C5orf34: variants seen among roughly 807,000 people sequenced by gnomAD.
C5orf34 encodes uncharacterized protein C5orf34.
Under a neutral mutation model 78.4 loss-of-function variants are expected in C5orf34, and 73 were observed. That is an observed-to-expected ratio of 0.93 (90% CI 0.77 to 1.13). The LOEUF (loss-of-function observed/expected upper bound fraction) is 1.13. Ranked by LOEUF, C5orf34 falls within the 50% of genes most tolerant of loss-of-function variation. The pLI is 0.00. For synonymous variants in C5orf34, 251 were observed against 246.6 expected (o/e 1.02, Z -0.17); for missense variants, 730 against 732.7 (o/e 1.00, Z 0.04).
rs1489108808 is a variant in C5orf34 at position 43,509,148 on chromosome 5, G to C, written c.192C>G (p.Tyr64Ter). 6 of 1,611,678 alleles carry C rather than the reference G, an allele frequency of 3.7e-6. No homozygotes were observed. The East Asian group carries it at 1.3e-4, about 36-fold the overall frequency. The change falls in exon 2 of 13, where the codon TAC (tyrosine) becomes TAG (stop). Residue 64 changes from tyrosine (Y) to a stop codon, truncating the protein, a stop_gained. Transcript: ENST00000306862. LOFTEE classifies it high-confidence loss of function. ...RQRTHFVISTYREQLQRALDF... is the reference protein window; with the variant it reads ...RQRTHFVIST ...TTTACGTGATATCTTTACTTACTCT[G>C]TAAGTGCTAATGACAAAATGTGTCC...
In C5orf34 at chr5:43,495,167, G is replaced by A. The variant is rs890489940; in HGVS notation, c.1153-566C>T. The A allele has an allele frequency of 1.9e-6, 3 of 1,609,798 alleles. No homozygotes were observed. In the African/African-American group the frequency reaches 4.0e-5, roughly 22 times the overall value. The stretch of plus-strand genomic sequence containing the variant: ...TGCTTTGATGACACCCACCGCAACT[G>A]TCTGTCTCATATCACGAACAGCAAA... On this transcript the variant is annotated intron_variant, in intron 6 of 12. Coordinates refer to ENST00000306862, the MANE Select transcript of C5orf34 (RefSeq NM_198566.4).
In C5orf34 at chr5:43,490,723, C is replaced by T. The variant is rs1561206399; in HGVS notation, c.1587G>A (p.Val529=). 3 of 1,562,306 alleles carry T rather than the reference C, an allele frequency of 1.9e-6. No homozygotes were observed. Among genetic ancestry groups the T allele is most frequent in the South Asian group, 1.1e-5 (1 of 89,382 alleles). The change falls in exon 11 of 13, where the codon GTG becomes GTA. Residue 529 remains valine, a synonymous_variant. Coordinates refer to ENST00000306862, the MANE Select transcript of C5orf34 (RefSeq NM_198566.4). ...IEHPEPYERY[V]TTVTSWCRRL... ...TCCTGCACCATGATGTTACTGTTGTCACATATCTAAAGTGAATACATTAAA... is the reference window on the plus strand; with the variant it reads ...TCCTGCACCATGATGTTACTGTTGTTACATATCTAAAGTGAATACATTAAA...
chr5:43,493,224 A>AT (rs1287968025), intron 8 of C5orf34, among the ~76,000 whole-genome samples: 1 of 152,058 alleles, frequency 6.6e-6, no homozygotes, highest in Non-Finnish European at 1.5e-5. Context: ...TAAGGAATTT[A>AT]TTTTTACGGT....
chr5:43,506,991 G>C (rs1056476039), intron 3 of C5orf34, among the ~76,000 whole-genome samples: 2 of 152,106 alleles, frequency 1.3e-5, no homozygotes, highest in Non-Finnish European at 2.9e-5. Flanking sequence ...ACTAGTACTA[G>C]AATTACTGAA....
At chr5:43,507,833 C>T (rs1332144041) in intron 3 of C5orf34, among the ~76,000 whole-genome samples, 2 of 152,172 alleles carry the variant, frequency 1.3e-5, no homozygotes, top group South Asian at 4.1e-4. Flanking sequence ...AATCCCAGCA[C>T]TTTGGGAGGC....
intron 11 of C5orf34, 178 bp from the exon 12 acceptor site, chr5:43,488,127 C>T (rs1295253005): frequency 1.7e-6 from 1 of 587,822 alleles, no homozygotes; most frequent in African/African-American, 1.9e-5. Context: ...CTGATACTTA[C>T]TGAGTGCCTT....
chr5:43,505,533 C>G (rs976621145), intron 4 of C5orf34: 17 of 500,974 alleles, frequency 3.4e-5, no homozygotes, highest in Non-Finnish European at 5.2e-5. Flanking sequence ...AGCACAGTAT[C>G]TAGTGTAGAG....
At chr5:43,502,324 G>A in intron 6 of C5orf34, 48 bp downstream of exon 6, 5 of 1,595,890 alleles carry the variant, frequency 3.1e-6, no homozygotes, top group Non-Finnish European at 4.3e-6. Context: ...TATTTAGAAA[G>A]AGCTATACAG....
intron 1 of C5orf34, among the ~76,000 whole-genome samples, chr5:43,513,122 A>C (rs1181390787): frequency 6.6e-6 from 1 of 152,126 alleles, no homozygotes; most frequent in Admixed American, 6.5e-5. Context: ...TAATGTATGT[A>C]ATCAGCTGTA....
At chr5:43,490,502 T>C (rs1403477034) in intron 11 of C5orf34, 129 bp downstream of exon 11, 4 of 595,280 alleles carry the variant, frequency 6.7e-6, no homozygotes, top group Non-Finnish European at 1.2e-5. Context: ...AAAAATACTT[T>C]AGGAGTTAAA....
At chr5:43,511,895 A>C (rs1746276379) in intron 1 of C5orf34, among the ~76,000 whole-genome samples, 1 of 152,180 alleles carries the variant, frequency 6.6e-6, no homozygotes, top group Non-Finnish European at 1.5e-5. Flanking sequence ...ACACTGCGGA[A>C]GGCTGCAGGG....
chr5:43,507,114 C>T (rs1746015124), intron 3 of C5orf34, among the ~76,000 whole-genome samples: 1 of 152,082 alleles, frequency 6.6e-6, no homozygotes, highest in African/African-American at 2.4e-5. Flanking sequence ...AAATAAATTT[C>T]AGGAGGCTTA....
chr5:43,493,515 T>C (rs1745369577), intron 8 of C5orf34, 28 bp downstream of exon 8: 1 of 1,291,656 alleles, frequency 7.7e-7, no homozygotes, highest in Non-Finnish European at 1.1e-6. Context: ...TTTAAAAATA[T>C]CTTGCTTTTA....
chr5:43,495,713 G>A (rs1460324913), intron 6 of C5orf34: 3 of 1,579,082 alleles, frequency 1.9e-6, no homozygotes, highest in African/African-American at 1.3e-5. Context: ...ATCCTGGAGA[G>A]GCAGGCGCAA....
At chr5:43,495,917 A>G (rs1745498103) in intron 6 of C5orf34, 3 of 1,592,360 alleles carry the variant, frequency 1.9e-6, no homozygotes, top group Admixed American at 3.3e-5. Context: ...GTTGTAACCA[A>G]TTTTCTTAAT....
intron 6 of C5orf34, among the ~76,000 whole-genome samples, chr5:43,499,959 A>G (rs1745690751): frequency 6.6e-6 from 1 of 152,226 alleles, no homozygotes; most frequent in Admixed American, 6.5e-5. Context: ...TTCTTTGAAC[A>G]CGTGCAAATA....
chr5:43,505,960 C>A lies in C5orf34; in HGVS notation c.720G>T (p.Gln240His). 2.5e-6 allele frequency: 4 copies of A among 1,614,206 alleles called. No individual in the cohort carries two copies. Among genetic ancestry groups the A allele is most frequent in the South Asian group, 1.1e-5 (1 of 91,082 alleles). Reference protein sequence around the residue: ...KHTCVYTWVKQCWSVAACPEE... With the variant: ...KHTCVYTWVKHCWSVAACPEE... ...CTGGACAGGCAGCCACAGACCAGCACTGCTTGACCCATGTGTATACACATG... is the reference window on the plus strand; with the variant it reads ...CTGGACAGGCAGCCACAGACCAGCAATGCTTGACCCATGTGTATACACATG... The change falls in exon 4 of 13, where the codon CAG (glutamine) becomes CAT (histidine). Residue 240 changes from glutamine to histidine, a missense_variant. Coordinates refer to ENST00000306862, the MANE Select transcript of C5orf34 (RefSeq NM_198566.4).
chr5:43,502,291 A>G, intron 6 of C5orf34, 81 bp downstream of exon 6: 1 of 1,454,402 alleles, frequency 6.9e-7, no homozygotes, highest in South Asian at 1.2e-5. Flanking sequence ...ATAATGACCA[A>G]ATTTCCCATA....
chr5:43,508,487 GA>G, intron 3 of C5orf34, 89 bp downstream of exon 3: 3 of 771,596 alleles, frequency 3.9e-6, no homozygotes, highest in Non-Finnish European at 2.2e-6. Context: ...CAGGTGTCCT[GA>G]AAAGGAAAAA....
Sources: allele counts gnomAD v4.1 joint callset (sites outside exome capture counted in the v4.1 genomes callset), GRCh38; gene constraint gnomAD v4.1.1; transcripts MANE v1.5; gene names NCBI Gene and HGNC (gene_info 2026-07-23, HGNC 2026-07-21).